SMOC2: variants seen among roughly 807,000 people sequenced by gnomAD.
SMOC2 encodes SPARC-related modular calcium-binding protein 2.
Under a neutral mutation model 61.4 loss-of-function variants are expected in SMOC2, and 39 were observed. That is an observed-to-expected ratio of 0.64 (90% confidence interval 0.49 to 0.83). The LOEUF is 0.83. Ranked by LOEUF, SMOC2 falls within the 40% of genes least tolerant of loss-of-function variation. The pLI is 0.00. For synonymous variants in SMOC2, 247 were observed against 239.9 expected, an observed-to-expected ratio of 1.03 and a Z score of -0.27; for missense variants, 556 against 592.9, an observed-to-expected ratio of 0.94 and a Z score of 0.65.
rs150421415 is a variant in SMOC2, at chr6:168,571,397, A to T, written c.637+22194A>T. 6.6e-3 allele frequency among the ~76,000 whole-genome samples: 1,006 copies of T among 152,244 alleles called. 15 individuals carry two copies. Among genetic ancestry groups the T allele is most frequent in the African/African-American group, 0.023 (953 of 41,540 alleles). On this transcript the variant is annotated intron_variant, in intron 7 of 12. Coordinates refer to ENST00000356284, the MANE Select transcript of SMOC2 (RefSeq NM_001166412.2). The stretch of plus-strand genomic sequence containing the variant: ...AATGTTACTCCACCATGTGCTCCAT[A>T]CATAACCATCTCAGGTTATTGGAAA...
chr6:168,609,728 G>T (rs1785805342), intron 9 of SMOC2, among the ~76,000 whole-genome samples: 1 of 152,188 alleles, frequency 6.6e-6, no homozygotes, highest in Admixed American at 6.5e-5. Flanking sequence ...AATGTTTCCT[G>T]GTTTTGGTTG....
In SMOC2 at chr6:168,521,531, C is replaced by T. The variant is rs191153951; in HGVS notation, c.257-4815C>T. Among the ~76,000 whole-genome samples, 3 of 152,202 alleles carry T rather than the reference C, an allele frequency of 2.0e-5. No individual in the cohort carries two copies. In the East Asian group the frequency reaches 5.8e-4, roughly 29 times the overall value. On this transcript the variant is annotated intron_variant, in intron 2 of 12. Coordinates refer to ENST00000356284, the MANE Select transcript of SMOC2 (RefSeq NM_001166412.2). ...TTTGTAACTGAGAGAGATGAAATAT[C>T]ATCCAACAGGTAGAAATAAATTGCT...
At chr6:168,562,450 G>A (rs1012123478) in intron 7 of SMOC2, among the ~76,000 whole-genome samples, 5 of 150,698 alleles carry the variant, frequency 3.3e-5, no homozygotes, top group African/African-American at 7.3e-5. Context: ...CTGTGTTCTC[G>A]GAGGAGGTGT....
At chr6:168,464,411 A>G (rs1326062855) in intron 1 of SMOC2, among the ~76,000 whole-genome samples, 1 of 152,110 alleles carries the variant, frequency 6.6e-6, no homozygotes, top group Non-Finnish European at 1.5e-5. Flanking sequence ...TGCCATCACT[A>G]TCTGCCAGGA....
chr6:168,650,845 A>G, intron 10 of SMOC2, 62 bp downstream of exon 10: 2 of 1,477,608 alleles, frequency 1.4e-6, no homozygotes, highest in Non-Finnish European at 1.8e-6. Flanking sequence ...GGGAATCTGG[A>G]AAGTCTGAAC....
At chr6:168,555,374 G>C (rs950514103) in intron 7 of SMOC2, among the ~76,000 whole-genome samples, 5 of 152,214 alleles carry the variant, frequency 3.3e-5, no homozygotes, top group Non-Finnish European at 5.9e-5. Context: ...TTGCGAAGCA[G>C]AGTGACGAGG....
chr6:168,530,637 A>ACCCCCCCCCC lies in SMOC2; in HGVS notation c.463+2914_463+2923dup, dbSNP rs3064057. On this transcript the variant is annotated intron_variant, in intron 4 of 12. Transcript: ENST00000356284. ...AAATGCAAATTAAAGTCACGGTGCA[A>ACCCCCCCCCC]CCCCCCCCCCCCCGCCCCCACACCC... is the stretch of plus-strand genomic sequence containing the variant. Among the ~76,000 whole-genome samples, 283 of 120,210 alleles carry ACCCCCCCCCC rather than the reference A, an allele frequency of 2.4e-3. 1 individual carries two copies. Among genetic ancestry groups the ACCCCCCCCCC allele is most frequent in the African/African-American group, 5.7e-3 (140 of 24,498 alleles). The allele number at this position is 120,210 out of a possible 152,430, so 78.9% of individuals were successfully genotyped here.
Position 168,583,414 on chromosome 6 carries a change from G to A in SMOC2, c.638-15404G>A, listed in dbSNP as rs151068768. 5.7e-3 allele frequency among the ~76,000 whole-genome samples: 863 copies of A among 152,348 alleles called. 8 individuals are homozygous for A. The highest frequency in any genetic ancestry group is 0.018 in the African/African-American group (730 of 41,584). On this transcript the variant is annotated intron_variant, in intron 7 of 12. Coordinates refer to ENST00000356284, the MANE Select transcript of SMOC2 (RefSeq NM_001166412.2). ...TCACCCCTCCTGGTCTGAAGCTTAGGAAGGAATGGCTGTCATATCGGAAAC... is the reference window on the plus strand; with the variant it reads ...TCACCCCTCCTGGTCTGAAGCTTAGAAAGGAATGGCTGTCATATCGGAAAC...
At chr6:168,648,483 C>T (rs1007657070) in intron 9 of SMOC2, among the ~76,000 whole-genome samples, 2 of 152,192 alleles carry the variant, frequency 1.3e-5, no homozygotes, top group Non-Finnish European at 2.9e-5. Context: ...TTCTGTAGAC[C>T]GGGAGGCCCC....
intron 1 of SMOC2, among the ~76,000 whole-genome samples, chr6:168,474,186 C>T (rs185732563): frequency 3.3e-5 from 5 of 152,240 alleles, no homozygotes; most frequent in Admixed American, 2.6e-4. Flanking sequence ...AGCACAGACC[C>T]GATCCTGGCT....
At chr6:168,494,995 T>C (rs1360565186) in intron 1 of SMOC2, among the ~76,000 whole-genome samples, 1 of 152,214 alleles carries the variant, frequency 6.6e-6, no homozygotes, top group African/African-American at 2.4e-5. Flanking sequence ...CCCTCATGCC[T>C]GCATCCTCCA....
At chr6:168,527,930 T>A (rs1403415622) in intron 4 of SMOC2, among the ~76,000 whole-genome samples, 2 of 152,232 alleles carry the variant, frequency 1.3e-5, no homozygotes, top group Non-Finnish European at 2.9e-5. Context: ...AGGGTGAAGC[T>A]GTGTGAATGT....
At position 168,441,588 on chromosome 6, in the gene SMOC2, C is replaced by G. The variant is rs544618319; in HGVS notation, c.84+134C>G. 3.1e-4 allele frequency: 380 copies of G among 1,237,400 alleles called. No individual in the cohort carries two copies. The African/African-American group carries it at 5.5e-3, about 18-fold the overall frequency. The allele number at this position is 1,237,400 out of a possible 1,614,324, so 76.7% of individuals were successfully genotyped here. A position where few individuals can be genotyped will look rare whatever the true frequency, so the allele number is the denominator to read the frequency against. ...GCAGGTGGCCCCGGGGGCCGTGGAG[C>G]CTTCGCCTGCCGGCGAGGCTGGAGC... On this transcript the variant is annotated intron_variant, in intron 1 of 12. Coordinates refer to ENST00000356284, the MANE Select transcript of SMOC2 (RefSeq NM_001166412.2).
At chr6:168,591,498 G>A (rs1408723964) in intron 7 of SMOC2, among the ~76,000 whole-genome samples, 1 of 152,132 alleles carries the variant, frequency 6.6e-6, no homozygotes, top group East Asian at 1.9e-4. Context: ...CCTTCAGATT[G>A]AGGCAAAGCC....
rs540716848 is a variant in SMOC2, at chr6:168,453,988, C to T, written c.84+12534C>T. ...CTGTTTTGTCTATCTTTCTTTGCCC[C>T]TCTATTTCTGTCTCGATCTCTCTCT... On this transcript the variant is annotated intron_variant, in intron 1 of 12. Transcript: ENST00000356284. The surrounding 1 kb of genome is among the most constrained non-coding windows in gnomAD (Gnocchi z 4.4). Among the ~76,000 whole-genome samples, 6 of 152,090 alleles carry T rather than the reference C, an allele frequency of 3.9e-5. No homozygotes were observed. The South Asian group carries it at 1.2e-3, about 32-fold the overall frequency.
At chr6:168,518,434 T>A (rs1450438092) in intron 2 of SMOC2, among the ~76,000 whole-genome samples, 1 of 146,420 alleles carries the variant, frequency 6.8e-6, no homozygotes, top group African/African-American at 2.6e-5. Flanking sequence ...AGTGTGCATG[T>A]GTGACTGTGA....
At chr6:168,540,156 G>C (rs907294418) in intron 4 of SMOC2, among the ~76,000 whole-genome samples, 6 of 152,216 alleles carry the variant, frequency 3.9e-5, no homozygotes, top group Non-Finnish European at 8.8e-5. Flanking sequence ...GTAGTGCTGC[G>C]TCCCTGCCGT....
At chr6:168,625,182 G>A (rs1786369359) in intron 9 of SMOC2, among the ~76,000 whole-genome samples, 3 of 152,242 alleles carry the variant, frequency 2.0e-5, no homozygotes, top group African/African-American at 7.2e-5. Context: ...ACTAGGGCAT[G>A]TGGGGCACGT....
At chr6:168,527,494 C>A in intron 3 of SMOC2, 134 bp from the exon 4 acceptor site, 1 of 647,122 alleles carries the variant, frequency 1.5e-6, no homozygotes, top group South Asian at 1.9e-5. Context: ...GACTCAAATG[C>A]AGCCACAGAA....
Sources: allele counts gnomAD v4.1 joint callset (sites outside exome capture counted in the v4.1 genomes callset), GRCh38; gene constraint gnomAD v4.1.1; non-coding constraint Gnocchi (gnomAD v3.1); transcripts MANE v1.5; gene names NCBI Gene and HGNC (gene_info 2026-07-23, HGNC 2026-07-21).